IQCH: variants seen among roughly 807,000 people sequenced by gnomAD.
The protein encoded by IQCH is IQ motif containing H, also known as IQ domain-containing protein H.
Under a neutral mutation model 117.0 loss-of-function variants are expected in IQCH, and 98 were observed. The ratio of observed to expected loss-of-function variants is 0.84; its 90% CI spans 0.71 to 0.99. The LOEUF (loss-of-function observed/expected upper bound fraction) is 0.99. Among genes scored for constraint, IQCH ranks in the 50% least tolerant of loss-of-function variants. The pLI is 0.00. For synonymous variants in IQCH, 412 were observed against 448.2 expected (o/e 0.92, Z 1.02); for missense variants, 1,102 against 1,243.8 (o/e 0.89, Z 1.72).
intron 5 of IQCH, among the ~76,000 whole-genome samples, chr15:67,341,175 A>G (rs1479382050): frequency 6.6e-6 from 1 of 152,178 alleles, no homozygotes; most frequent in Non-Finnish European, 1.5e-5. Flanking sequence ...TCATGCCACT[A>G]TACTCTAGCC....
rs757617632 is a variant in IQCH, at chr15:67,494,265, G to A, written c.2869G>A (p.Gly957Ser). Reference sequence around the variant, plus strand: ...TTTGGATATCATTAACAGAACAATCGGCGAGGATCTCCAGGGGGTCCTCAT... The same window carrying A: ...TTTGGATATCATTAACAGAACAATCAGCGAGGATCTCCAGGGGGTCCTCAT... Reference protein sequence around the residue: ...KRHKLGMLTIGEDLQGVLMTF... With the variant: ...KRHKLGMLTISEDLQGVLMTF... The change falls in exon 20 of 21, where the codon GGC (glycine) becomes AGC (serine). Residue 957 changes from glycine (G) to serine (S), a missense_variant. Transcript: ENST00000335894. This position sits in a 1 kb window ranked among gnomAD's most constrained non-coding sequence, Gnocchi z 5.5. The A allele has an allele frequency of 6.2e-6, 10 of 1,606,304 alleles. No individual in the cohort carries two copies. The highest frequency in any genetic ancestry group is 2.2e-5 in the South Asian group (2 of 89,260).
chr15:67,326,537 G>A lies in IQCH; in HGVS notation c.388-10438G>A, dbSNP rs879440317. ...TCTAGTTCTGGATCCTTCAGGAGTC[G>A]CCACACTGTCTTCCACAATGGTTGA... is the stretch of plus-strand genomic sequence containing the variant. On this transcript the variant is annotated intron_variant, in intron 4 of 20. Coordinates refer to ENST00000335894, the MANE Select transcript of IQCH (RefSeq NM_001031715.3). Among the ~76,000 whole-genome samples, 5 of 152,084 alleles carry A rather than the reference G, an allele frequency of 3.3e-5. No individual in the cohort carries two copies. The East Asian group carries it at 5.8e-4, about 18-fold the overall frequency.
At position 67,416,409 on chromosome 15, in the gene IQCH, C is replaced by T. The variant is rs187800606; in HGVS notation, c.2098-522C>T. On this transcript the variant is annotated intron_variant, in intron 14 of 20. Transcript: ENST00000335894. This position sits in a 1 kb window ranked among gnomAD's most constrained non-coding sequence, Gnocchi z 5.1. ...ACGCATGCCTGTAGTCCCAGCTACT[C>T]GGGAGGCTGAGGCAGGAGAATCACT... Among the ~76,000 whole-genome samples the T allele has an allele frequency of 5.3e-5, 8 of 151,400 alleles. No homozygotes were observed. Among genetic ancestry groups the T allele is most frequent in the South Asian group, 4.2e-4 (2 of 4,768 alleles).
At chr15:67,341,826 CAAA>C in intron 5 of IQCH, among the ~76,000 whole-genome samples, 1 of 152,206 alleles carries the variant, frequency 6.6e-6, no homozygotes, top group East Asian at 1.9e-4. Context: ...CAAATGGATG[CAAA>C]ACTGGCTTTT....
chr15:67,323,150 T>G (rs1181826109), intron 4 of IQCH, among the ~76,000 whole-genome samples: 3 of 152,126 alleles, frequency 2.0e-5, no homozygotes, highest in Non-Finnish European at 4.4e-5. Context: ...ATCTGCCTCC[T>G]GCCACTATCA....
At chr15:67,320,724 A>G (rs1270343833) in intron 4 of IQCH, among the ~76,000 whole-genome samples, 1 of 152,172 alleles carries the variant, frequency 6.6e-6, no homozygotes, top group African/African-American at 2.4e-5. Flanking sequence ...AACAAATTAT[A>G]GCTATATCAT....
At chr15:67,262,977 T>A (rs1965520293) in intron 2 of IQCH, 145 bp from the exon 3 acceptor site, 3 of 627,604 alleles carry the variant, frequency 4.8e-6, no homozygotes, top group Non-Finnish European at 8.5e-6. Flanking sequence ...TTGAGATGCC[T>A]AATGATACCT....
intron 4 of IQCH, among the ~76,000 whole-genome samples, chr15:67,310,099 A>G (rs958187677): frequency 3.1e-5 from 4 of 127,054 alleles, no homozygotes; most frequent in Middle Eastern, 4.0e-3. Flanking sequence ...TAAGTGAGTA[A>G]TAGGATTTAA....
At chr15:67,344,038 A>G in intron 5 of IQCH, 25 bp from the exon 6 acceptor site, 1 of 1,604,210 alleles carries the variant, frequency 6.2e-7, no homozygotes, top group Non-Finnish European at 8.5e-7. Context: ...AATTAAACTC[A>G]CATTTTATTA....
In IQCH at chr15:67,352,914, A is replaced by G. The variant is rs1294860593; in HGVS notation, c.638-4431A>G. Among the ~76,000 whole-genome samples, 3 of 152,138 alleles carry G rather than the reference A, an allele frequency of 2.0e-5. No individual in the cohort carries two copies. In the East Asian group the frequency reaches 5.8e-4, roughly 29 times the overall value. On this transcript the variant is annotated intron_variant, in intron 6 of 20. Coordinates refer to ENST00000335894, the MANE Select transcript of IQCH (RefSeq NM_001031715.3). ...GAACATTCCAGTACTTTGGGAGGCTAAGGTGGGTGGATCACGAGGTCAAGT... is the reference window on the plus strand; with the variant it reads ...GAACATTCCAGTACTTTGGGAGGCTGAGGTGGGTGGATCACGAGGTCAAGT...
intron 6 of IQCH, among the ~76,000 whole-genome samples, chr15:67,353,450 C>T (rs147126167): frequency 1.2e-3 from 177 of 151,708 alleles, no homozygotes; most frequent in African/African-American, 3.9e-3. Context: ...ACCTCTGCCT[C>T]CAGGGCTCAA....
Position 67,479,593 on chromosome 15 carries a change from G to GA in IQCH, c.2799+3783dup. The stretch of plus-strand genomic sequence containing the variant: ...ATGACTATCTCTACATTAAAAAGGA[G>GA]AAAAAAAAGTTTAACAATTAATTTC... On this transcript the variant is annotated intron_variant, in intron 18 of 20. Transcript: ENST00000335894. This position sits in a 1 kb window ranked among gnomAD's most constrained non-coding sequence, Gnocchi z 4.6. Among the ~76,000 whole-genome samples, 1 of 151,906 alleles carries GA rather than the reference G, an allele frequency of 6.6e-6. No homozygotes were observed. Among genetic ancestry groups the GA allele is most frequent in the African/African-American group, 2.4e-5 (1 of 41,472 alleles).
At chr15:67,306,708 ACT>A (rs1430744758) in intron 4 of IQCH, 4 of 741,382 alleles carry the variant, frequency 5.4e-6, no homozygotes, top group Non-Finnish European at 9.4e-6. Context: ...ATATCCTGTG[ACT>A]CTGTTATGTA....
chr15:67,454,632 T>C lies in IQCH; in HGVS notation c.2506-10495T>C, dbSNP rs1277670621. On this transcript the variant is annotated intron_variant, in intron 16 of 20. Transcript: ENST00000335894. The surrounding 1 kb of genome is among the most constrained non-coding windows in gnomAD (Gnocchi z 5.2). ...CATGGATTTCCCTATTCTAGGCATT[T>C]TATATAAATGAGATCATACAATAGG... is the stretch of plus-strand genomic sequence containing the variant. 6.6e-6 allele frequency among the ~76,000 whole-genome samples: 1 copy of C among 152,230 alleles called. No individual in the cohort carries two copies. The highest frequency in any genetic ancestry group is 1.5e-5 in the Non-Finnish European group (1 of 68,044).
In IQCH at chr15:67,372,212, A is replaced by G. The variant is rs920219701; in HGVS notation, c.855A>G (p.Leu285=). The change falls in exon 9 of 21, where the codon TTA becomes TTG. Residue 285 remains leucine, a synonymous_variant. Coordinates refer to ENST00000335894, the MANE Select transcript of IQCH (RefSeq NM_001031715.3). ...TAGACAATACAGCCCCAGACTTCTT[A>G]GCATTCAAGGAACATTTTAGCTTAG... ...GVIDNTAPDF[L]AFKEHFSLAW... The G allele has an allele frequency of 6.2e-6, 10 of 1,613,994 alleles. No homozygotes were observed. Among genetic ancestry groups the G allele is most frequent in the Non-Finnish European group, 8.5e-6 (10 of 1,179,980 alleles).
rs1295684549 is a variant in IQCH at position 67,445,438 on chromosome 15, T to G, written c.2506-19689T>G. Among the ~76,000 whole-genome samples the G allele has an allele frequency of 1.0e-4, 15 of 148,716 alleles. No homozygotes were observed. In the Admixed American group the frequency reaches 1.0e-3, roughly 10 times the overall value. On this transcript the variant is annotated intron_variant, in intron 16 of 20. Transcript: ENST00000335894. The surrounding 1 kb of genome is among the most constrained non-coding windows in gnomAD (Gnocchi z 4.3). ...CACCCCAGAGTACCTACCTCATGTCTGGTTTTTTTGTTTGTTTTTGAGATG... is the reference window on the plus strand; with the variant it reads ...CACCCCAGAGTACCTACCTCATGTCGGGTTTTTTTGTTTGTTTTTGAGATG...
intron 5 of IQCH, among the ~76,000 whole-genome samples, chr15:67,341,647 AT>A (rs919870428): frequency 2.6e-5 from 4 of 152,154 alleles, no homozygotes; most frequent in Non-Finnish European, 5.9e-5. Context: ...TTAAAGGATG[AT>A]TTTTTTTAAA....
chr15:67,488,619 C>T (rs932336450), intron 18 of IQCH, among the ~76,000 whole-genome samples: 2 of 152,130 alleles, frequency 1.3e-5, no homozygotes, highest in African/African-American at 4.8e-5. Context: ...TTTTTGGCAC[C>T]AGGGACTGGT....
intron 10 of IQCH, among the ~76,000 whole-genome samples, chr15:67,378,189 C>T (rs1034833210): frequency 6.6e-6 from 1 of 151,962 alleles, no homozygotes; most frequent in Non-Finnish European, 1.5e-5. Context: ...TGGAGGATGG[C>T]AGCCAACGGC....
Sources: allele counts gnomAD v4.1 joint callset (sites outside exome capture counted in the v4.1 genomes callset), GRCh38; gene constraint gnomAD v4.1.1; non-coding constraint Gnocchi (gnomAD v3.1); transcripts MANE v1.5; gene names NCBI Gene and HGNC (gene_info 2026-07-23, HGNC 2026-07-21).